CELF4: variants seen among roughly 807,000 people sequenced by gnomAD.
The protein encoded by CELF4 is CUG-BP- and ETR-3-like factor 4.
In CELF4, 18 loss-of-function variants were observed where a neutral mutation model predicts 59.9. The observed-to-expected ratio is 0.30, with a 90% CI of 0.21 to 0.45. CELF4 has a LOEUF of 0.45. CELF4 is among the 20% of genes least tolerant of loss of function. The probability of loss-of-function intolerance (pLI) is 1.00; values close to 1 mark genes in which losing one functional copy is unlikely to be tolerated. For synonymous variants in CELF4, 261 were observed against 267.1 expected, an observed-to-expected ratio of 0.98 and a Z score of 0.22; for missense variants, 456 against 689.0, an observed-to-expected ratio of 0.66 and a Z score of 3.79.
chr18:37,472,905 T>C (rs1349626494), intron 2 of CELF4, among the ~76,000 whole-genome samples: 1 of 152,176 alleles, frequency 6.6e-6, no homozygotes, highest in Non-Finnish European at 1.5e-5. Flanking sequence ...ATGGTTAAGC[T>C]AGTAAAACTT....
At chr18:37,329,118 C>CT (rs2097438058) in intron 2 of CELF4, among the ~76,000 whole-genome samples, 1 of 145,296 alleles carries the variant, frequency 6.9e-6, no homozygotes, top group African/African-American at 2.5e-5. Context: ...GGGCATTTAC[C>CT]TCCTATGCAG....
At chr18:37,526,185 G>C (rs1163541185) in intron 1 of CELF4, among the ~76,000 whole-genome samples, 1 of 152,160 alleles carries the variant, frequency 6.6e-6, no homozygotes, top group Non-Finnish European at 1.5e-5. Context: ...ACGATTTCCT[G>C]GTCTCAGTGT....
chr18:37,554,068 TGAG>T (rs1319181237), intron 1 of CELF4, among the ~76,000 whole-genome samples: 3 of 152,296 alleles, frequency 2.0e-5, no homozygotes, highest in Admixed American at 2.0e-4. Flanking sequence ...GCCTTGTGGC[TGAG>T]GAGGGGAGAG....
intron 2 of CELF4, among the ~76,000 whole-genome samples, chr18:37,394,938 A>G (rs1293051345): frequency 9.3e-6 from 1 of 107,120 alleles, no homozygotes; most frequent in African/African-American, 3.7e-5. Context: ...TGCCATGCCC[A>G]AGACCCGCCC....
chr18:37,407,392 C>A (rs2226726), intron 2 of CELF4, among the ~76,000 whole-genome samples: 85,744 of 151,966 alleles, frequency 0.56, 26,463 homozygotes, highest in South Asian at 0.8. Context: ...GGTCCCATCA[C>A]TTCATGGGCT....
intron 2 of CELF4, among the ~76,000 whole-genome samples, chr18:37,408,005 T>C (rs1027631714): frequency 3.3e-5 from 5 of 152,194 alleles, no homozygotes; most frequent in Non-Finnish European, 7.3e-5. Context: ...ACCGCAACAC[T>C]GTGTGTACCG....
intron 3 of CELF4, among the ~76,000 whole-genome samples, chr18:37,314,178 G>T (rs72883684): frequency 0.064 from 9,684 of 152,310 alleles, 349 homozygotes; most frequent in Middle Eastern, 0.13. Context: ...GCCACACGGT[G>T]GCTCACGCCT....
rs956623668 is a variant in CELF4, at chr18:37,254,588, C to G, written c.1334-650G>C. ...CGGGTGGGCCCTGGGCGTCACCTCG[C>G]CCCGGGCGCCGTCGGCACCTCTCTT... On this transcript the variant is annotated intron_variant, in intron 11 of 12. Transcript: ENST00000420428. The surrounding 1 kb of genome is among the most constrained non-coding windows in gnomAD (Gnocchi z 5.1). Among the ~76,000 whole-genome samples, 1 of 152,186 alleles carries G rather than the reference C, an allele frequency of 6.6e-6. No individual in the cohort carries two copies. The highest frequency in any genetic ancestry group is 2.4e-5 in the African/African-American group (1 of 41,470).
chr18:37,298,545 C>T (rs951634184), intron 3 of CELF4, among the ~76,000 whole-genome samples: 6 of 152,090 alleles, frequency 3.9e-5, no homozygotes, highest in Non-Finnish European at 7.4e-5. Flanking sequence ...CATGGCGAAA[C>T]ATGGCAAAAC....
chr18:37,419,305 C>A (rs2099554021), intron 2 of CELF4, among the ~76,000 whole-genome samples: 1 of 152,150 alleles, frequency 6.6e-6, no homozygotes, highest in Non-Finnish European at 1.5e-5. Flanking sequence ...TCTTCAGGGT[C>A]ACAACTCAAG....
chr18:37,260,369 A>C (rs1461589985), intron 10 of CELF4, among the ~76,000 whole-genome samples: 1 of 152,254 alleles, frequency 6.6e-6, no homozygotes, highest in Non-Finnish European at 1.5e-5. Flanking sequence ...GATGCGTCTT[A>C]GATAGCATAT....
chr18:37,281,686 T>G (rs565647745), intron 3 of CELF4, among the ~76,000 whole-genome samples: 1 of 151,556 alleles, frequency 6.6e-6, no homozygotes, highest in Non-Finnish European at 1.5e-5. Flanking sequence ...TGCTTTGGAG[T>G]CTTTGGTCTT....
chr18:37,409,909 C>T (rs2099423586), intron 2 of CELF4, among the ~76,000 whole-genome samples: 1 of 152,184 alleles, frequency 6.6e-6, no homozygotes, highest in South Asian at 2.1e-4. Context: ...ACAAAGTGAC[C>T]CTTCACATGC....
chr18:37,520,437 C>G (rs571473467), intron 1 of CELF4, among the ~76,000 whole-genome samples: 10 of 152,300 alleles, frequency 6.6e-5, no homozygotes, highest in African/African-American at 2.4e-4. Flanking sequence ...AAGCTTTGCA[C>G]TATAGCTGCT....
In CELF4 at chr18:37,552,688, G is replaced by A. The variant is rs1248304352; in HGVS notation, c.286+12668C>T. On this transcript the variant is annotated intron_variant, in intron 1 of 12. Transcript: ENST00000420428. ...GAAATAAACCAAAGCCCTGGTGATGGCATAAGGGGCAGATGGGGGTCTTGA... is the reference window on the plus strand; with the variant it reads ...GAAATAAACCAAAGCCCTGGTGATGACATAAGGGGCAGATGGGGGTCTTGA... 2.0e-5 allele frequency among the ~76,000 whole-genome samples: 3 copies of A among 152,366 alleles called. No individual in the cohort carries two copies. In the East Asian group the frequency reaches 5.8e-4, roughly 29 times the overall value.
intron 2 of CELF4, among the ~76,000 whole-genome samples, chr18:37,350,511 G>T (rs1397239591): frequency 1.3e-5 from 2 of 152,128 alleles, no homozygotes; most frequent in Non-Finnish European, 2.9e-5. Flanking sequence ...ATGTCACAGA[G>T]CCTGTCCGAT....
intron 2 of CELF4, among the ~76,000 whole-genome samples, chr18:37,354,429 T>TG (rs1328596961): frequency 6.6e-6 from 1 of 152,160 alleles, no homozygotes; most frequent in African/African-American, 2.4e-5. Context: ...TGTCCCAATC[T>TG]GGGGTGCCTG....
intron 8 of CELF4, among the ~76,000 whole-genome samples, chr18:37,269,270 C>A (rs2089964196): frequency 6.6e-6 from 1 of 152,136 alleles, no homozygotes; most frequent in African/African-American, 2.4e-5. Context: ...CTGGCCTCTT[C>A]TTGGTGGATT....
At chr18:37,501,439 A>G (rs1029097209) in intron 1 of CELF4, among the ~76,000 whole-genome samples, 4 of 152,224 alleles carry the variant, frequency 2.6e-5, no homozygotes, top group Non-Finnish European at 5.9e-5. Context: ...GCGGGTCTCC[A>G]TTCCATCATT....
Sources: gnomAD v4.1 joint callset for allele counts (sites outside exome capture counted in the v4.1 genomes callset) on GRCh38, gnomAD v4.1.1 for gene constraint, Gnocchi (gnomAD v3.1) non-coding constraint, MANE v1.5 for transcripts, NCBI Gene and HGNC (gene_info 2026-07-23, HGNC 2026-07-21) for gene names.